Variants in NLRC5 observed in about 807,000 individuals in gnomAD.
NLRC5 encodes the protein NLR family CARD domain containing 5, also known as protein NLRC5.
Under a neutral mutation model 206.9 loss-of-function variants are expected in NLRC5, and 114 were observed. The observed-to-expected ratio is 0.55, with a 90% CI of 0.47 to 0.64. NLRC5 has a LOEUF of 0.64. NLRC5 is among the 30% of genes least tolerant of loss of function. The probability of loss-of-function intolerance (pLI) is 0.00; values close to 1 mark genes in which losing one functional copy is unlikely to be tolerated. For missense variants in NLRC5, 2,008 were observed against 2,305.5 expected, an observed-to-expected ratio of 0.87 and a Z score of 2.64; for synonymous variants, 952 against 962.8, an observed-to-expected ratio of 0.99 and a Z score of 0.21.
intron 11 of NLRC5, among the ~76,000 whole-genome samples, chr16:57,031,970 C>T (rs1268336918): frequency 6.6e-6 from 1 of 151,948 alleles, no homozygotes; most frequent in Non-Finnish European, 1.5e-5. Context: ...AAGGGAGCTG[C>T]TTTTCCCTAA....
intron 13 of NLRC5, 132 bp from the exon 14 acceptor site, chr16:57,035,968 C>G: frequency 1.3e-6 from 1 of 797,736 alleles, no homozygotes; most frequent in Admixed American, 2.0e-5. Flanking sequence ...TGGAGTCTGT[C>G]GATTTCAGTT....
At position 57,042,302 on chromosome 16, in the gene NLRC5, G is replaced by A. The variant is rs535133561; in HGVS notation, c.3113+237G>A. Among the ~76,000 whole-genome samples, 89 of 152,260 alleles carry A rather than the reference G, an allele frequency of 5.8e-4. 4 individuals carry two copies. In the South Asian group the frequency reaches 0.016, roughly 28 times the overall value. Reference sequence around the variant, plus strand: ...GGTTTCACTTCTGGAACCTGTCTCCGCATCTCTGAACAGGCTTCTGAGGCC... The same window carrying A: ...GGTTTCACTTCTGGAACCTGTCTCCACATCTCTGAACAGGCTTCTGAGGCC... On this transcript the variant is annotated intron_variant, in intron 19 of 48. Transcript: ENST00000688547.
At chr16:57,013,666 G>C in intron 1 of NLRC5, 1 of 902,772 alleles carries the variant, frequency 1.1e-6, no homozygotes, top group Non-Finnish European at 1.9e-6. Flanking sequence ...TTTGAATCTT[G>C]TATGATGAAC....
chr16:57,030,437 A>T (rs1276180166), intron 10 of NLRC5, among the ~76,000 whole-genome samples: 3 of 14,736 alleles, frequency 2.0e-4, no homozygotes, highest in South Asian at 2.9e-3. Context: ...GGTGGATGAA[A>T]AGATGGATGG....
rs748113322 is a variant in NLRC5, at chr16:57,039,795, C to G, written c.2816C>G (p.Thr939Ser). ...AELHISLQHKTVIFMFAQEPE... is the reference protein window; with the variant it reads ...AELHISLQHKSVIFMFAQEPE... ...TGTCTTCACAGCCTGCAGCACAAAA[C>G]TGTGATCTTCATGTTTGCCCAGGAG... Residue 939 changes from threonine (T) to serine (S), a missense_variant, in exon 16 of 49, where the codon ACT becomes AGT. Physicochemically the swap from Thr to Ser is moderately conservative, Grantham distance 58. Coordinates refer to ENST00000688547, the MANE Select transcript of NLRC5 (RefSeq NM_001384950.1). 6.2e-7 allele frequency: 1 copy of G among 1,614,196 alleles called. No homozygotes were observed. The highest frequency in any genetic ancestry group is 1.3e-5 in the African/African-American group (1 of 75,052).
intron 33 of NLRC5, 63 bp from the exon 34 acceptor site, chr16:57,066,471 G>A: frequency 1.4e-6 from 2 of 1,441,294 alleles, no homozygotes; most frequent in Non-Finnish European, 9.7e-7. Context: ...GGCAGCCCAG[G>A]TGCCAGCTAG....
At chr16:57,049,286 G>A (rs2064483708) in intron 23 of NLRC5, among the ~76,000 whole-genome samples, 2 of 152,172 alleles carry the variant, frequency 1.3e-5, no homozygotes, top group Non-Finnish European at 2.9e-5. Flanking sequence ...GTTTTGTGTA[G>A]CACTGCAGTC....
At chr16:57,063,839 C>T (rs1307337849) in intron 32 of NLRC5, among the ~76,000 whole-genome samples, 5 of 151,910 alleles carry the variant, frequency 3.3e-5, no homozygotes, top group Admixed American at 6.6e-5. Flanking sequence ...CCTGGGTTCA[C>T]GCCATTCTCC....
At chr16:57,019,978 G>A (rs2142904575) in intron 2 of NLRC5, among the ~76,000 whole-genome samples, 1 of 152,228 alleles carries the variant, frequency 6.6e-6, no homozygotes, top group South Asian at 2.1e-4. Context: ...ATTCCAGAGA[G>A]CCAGGGTGCA....
rs1237158894 is a variant in NLRC5 at position 57,025,693 on chromosome 16, G to T, written c.750G>T (p.Leu250=). The T allele has an allele frequency of 4.3e-6, 7 of 1,614,222 alleles. No homozygotes were observed. The highest frequency in any genetic ancestry group is 2.2e-5 in the South Asian group (2 of 91,086). ...GCCAGAAGTGGGCAGAGGGCCATCT[G>T]AACTGTTTCCAGGCCCTGTTCCTTT... ...RLCQKWAEGH[L]NCFQALFLFE... is the part of the protein sequence containing the mutation. Residue 250 remains leucine (L), a synonymous_variant, in exon 6 of 49, where the codon CTG becomes CTT. Transcript: ENST00000688547.
intron 46 of NLRC5, among the ~76,000 whole-genome samples, chr16:57,079,865 A>G (rs1420620820): frequency 1.3e-5 from 2 of 152,090 alleles, no homozygotes; most frequent in Non-Finnish European, 2.9e-5. Flanking sequence ...CTTTTTCCCC[A>G]TTTGTAGATT....
chr16:57,028,128 C>G lies in NLRC5; in HGVS notation c.2132C>G (p.Pro711Arg). Residue 711 changes from proline (P) to arginine (R), a missense_variant, in exon 7 of 49, where the codon CCG (proline) becomes CGG (arginine). Transcript: ENST00000688547. ...GCAGAAGCCCTCTCCAGGAGCTTGCCGACAATGGGGAGGCTGCAGATGCTG... is the reference window on the plus strand; with the variant it reads ...GCAGAAGCCCTCTCCAGGAGCTTGCGGACAATGGGGAGGCTGCAGATGCTG... ...AFAEALSRSL[P>R]TMGRLQMLGL... The G allele has an allele frequency of 6.2e-7, 1 of 1,613,464 alleles. No homozygotes were observed. The highest frequency in any genetic ancestry group is 8.5e-7 in the Non-Finnish European group (1 of 1,179,688).
At position 57,005,241 on chromosome 16, in the gene NLRC5, A is replaced by G. The variant is rs115756670; in HGVS notation, c.-127-11833A>G. Among the ~76,000 whole-genome samples the G allele has an allele frequency of 7.6e-3, 1,154 of 152,316 alleles. 18 individuals are homozygous for G. The highest frequency in any genetic ancestry group is 0.027 in the African/African-American group (1,110 of 41,554). On this transcript the variant is annotated intron_variant, in intron 1 of 48. Transcript: ENST00000688547. ...ACAGTAAAAAACTTTATGCATTTGA[A>G]TATCGTGAACCTTGTAATTCATATG... is the stretch of plus-strand genomic sequence containing the variant.
chr16:57,010,221 G>T (rs1226302761), intron 1 of NLRC5, among the ~76,000 whole-genome samples: 2 of 152,062 alleles, frequency 1.3e-5, no homozygotes, highest in Non-Finnish European at 2.9e-5. Flanking sequence ...ATGCTGAAAG[G>T]TACTCACTTG....
chr16:57,048,970 G>GT (rs1459691636), intron 23 of NLRC5, among the ~76,000 whole-genome samples: 3 of 152,150 alleles, frequency 2.0e-5, no homozygotes, highest in Non-Finnish European at 4.4e-5. Flanking sequence ...CGAGCTGCAA[G>GT]TTACTCCACC....
intron 36 of NLRC5, 47 bp downstream of exon 36, chr16:57,067,875 G>A: frequency 7.1e-7 from 1 of 1,416,456 alleles, no homozygotes; most frequent in Non-Finnish European, 1.0e-6. Flanking sequence ...GCTCTGCCCT[G>A]CCCTGACACC....
chr16:57,030,815 T>TA (rs1220066905), intron 10 of NLRC5, among the ~76,000 whole-genome samples: 1 of 152,132 alleles, frequency 6.6e-6, no homozygotes, highest in Admixed American at 6.5e-5. Flanking sequence ...AAATTTCTAT[T>TA]AAAAAAAATT....
rs910641603 is a variant in NLRC5 at position 57,058,471 on chromosome 16, G to A, written c.3830+323G>A. Reference sequence around the variant, plus strand: ...CCCAACCAGCTGATGCGGGATTGCAGCTGCCTGGCTCCTGGTCCATCCCGT... The same window carrying A: ...CCCAACCAGCTGATGCGGGATTGCAACTGCCTGGCTCCTGGTCCATCCCGT... On this transcript the variant is annotated intron_variant, in intron 28 of 48. Coordinates refer to ENST00000688547, the MANE Select transcript of NLRC5 (RefSeq NM_001384950.1). 11 of 401,800 alleles carry A rather than the reference G, an allele frequency of 2.7e-5. No individual in the cohort carries two copies. The South Asian group carries it at 2.9e-4, about 11-fold the overall frequency. The allele number at this position is 401,800 out of a possible 1,614,324, so 24.9% of individuals were successfully genotyped here. A position where few individuals can be genotyped will look rare whatever the true frequency, so the allele number is the denominator to read the frequency against.
intron 23 of NLRC5, among the ~76,000 whole-genome samples, chr16:57,049,388 G>C (rs1469996456): frequency 1.3e-5 from 2 of 152,222 alleles, no homozygotes; most frequent in Non-Finnish European, 2.9e-5. Context: ...CAAGGAGACT[G>C]GGATGCGGGC....
Sources: gnomAD v4.1 joint callset for allele counts (sites outside exome capture counted in the v4.1 genomes callset) on GRCh38, gnomAD v4.1.1 for gene constraint, MANE v1.5 for transcripts, NCBI Gene and HGNC (gene_info 2026-07-23, HGNC 2026-07-21) for gene names.